EMP2: variants seen among roughly 807,000 people sequenced by gnomAD.
EMP2 encodes epithelial membrane protein 2.
Under a neutral mutation model 13.7 loss-of-function variants are expected in EMP2, and 19 were observed. That is an observed-to-expected ratio of 1.38 (90% CI 0.97 to 2.03). The LOEUF is 2.03. Ranked by LOEUF, EMP2 falls within the 30% of genes most tolerant of loss-of-function variation. The pLI is 0.00. For missense variants in EMP2, 253 were observed against 220.7 expected, an observed-to-expected ratio of 1.15 and a Z score of -0.93; for synonymous variants, 97 against 84.7, an observed-to-expected ratio of 1.15 and a Z score of -0.80.
chr16:10,560,041 C>T (rs2050860747), intron 1 of EMP2, among the ~76,000 whole-genome samples: 1 of 152,120 alleles, frequency 6.6e-6, no homozygotes, highest in African/African-American at 2.4e-5. Context: ...TGTCACACAG[C>T]TAGTAAAAGC....
At chr16:10,552,289 T>C (rs572239173) in intron 1 of EMP2, among the ~76,000 whole-genome samples, 41 of 152,274 alleles carry the variant, frequency 2.7e-4, no homozygotes, top group African/African-American at 7.5e-4. Context: ...CCAGCTGGGA[T>C]GACACAAATG....
At chr16:10,563,941 C>T (rs184755342) in intron 1 of EMP2, among the ~76,000 whole-genome samples, 24 of 152,356 alleles carry the variant, frequency 1.6e-4, no homozygotes, top group Admixed American at 1.6e-3. Flanking sequence ...GGGTTCTTGG[C>T]TTCACCCAGG....
intron 1 of EMP2, among the ~76,000 whole-genome samples, chr16:10,560,667 A>C (rs2050864737): frequency 6.6e-6 from 1 of 152,176 alleles, no homozygotes; most frequent in Non-Finnish European, 1.5e-5. Flanking sequence ...GATGGGAGAC[A>C]CTTGTGGTGT....
rs2050617337 is a variant in EMP2 at position 10,532,814 on chromosome 16, T to C, written c.*91A>G. 1.8e-6 allele frequency: 1 copy of C among 547,646 alleles called. No homozygotes were observed. The highest frequency in any genetic ancestry group is 2.6e-6 in the Non-Finnish European group (1 of 388,204). The allele number at this position is 547,646 out of a possible 1,614,324, so 33.9% of individuals were successfully genotyped here. On this transcript the variant is annotated 3_prime_UTR_variant, in exon 5 of 5. Coordinates refer to ENST00000359543, the MANE Select transcript of EMP2 (RefSeq NM_001424.6). ...CTTTTAAAGGAAACAATACGTTTGC[T>C]AGAAAAACCTCAAAAAATAATGATT... is the stretch of plus-strand genomic sequence containing the variant.
At position 10,530,304 on chromosome 16, in the gene EMP2, T is replaced by C. The variant is rs1440935757; in HGVS notation, c.*2601A>G. On this transcript the variant is annotated 3_prime_UTR_variant, in exon 5 of 5. Transcript: ENST00000359543. Reference sequence around the variant, plus strand: ...AACATGGTAAACATTTAATACTATCTGTCAAAAACAAATGAATGAAAGAGC... The same window carrying C: ...AACATGGTAAACATTTAATACTATCCGTCAAAAACAAATGAATGAAAGAGC... 2 of 152,158 alleles carry C rather than the reference T, an allele frequency of 1.3e-5. No homozygotes were observed. The highest frequency in any genetic ancestry group is 2.9e-5 in the Non-Finnish European group (2 of 68,050). The allele number at this position is 152,158 out of a possible 1,614,324, so 9.4% of individuals were successfully genotyped here.
chr16:10,571,413 G>A (rs2050946659), intron 1 of EMP2, among the ~76,000 whole-genome samples: 1 of 152,016 alleles, frequency 6.6e-6, no homozygotes, highest in Non-Finnish European at 1.5e-5. Context: ...AAACCCCTGT[G>A]CCCTGGCCCC....
At chr16:10,534,835 C>A (rs1364098562) in intron 4 of EMP2, among the ~76,000 whole-genome samples, 2 of 152,234 alleles carry the variant, frequency 1.3e-5, no homozygotes, top group African/African-American at 4.8e-5. Context: ...AGCTTAGGTT[C>A]TGTGGTTTTC....
At chr16:10,579,224 G>A (rs1015155058) in intron 1 of EMP2, among the ~76,000 whole-genome samples, 1 of 152,086 alleles carries the variant, frequency 6.6e-6, no homozygotes, top group Non-Finnish European at 1.5e-5. Flanking sequence ...CCAGGACCCC[G>A]TCCCTTCCTC....
intron 1 of EMP2, among the ~76,000 whole-genome samples, chr16:10,566,997 T>C (rs2050910868): frequency 6.6e-6 from 1 of 152,214 alleles, no homozygotes. Flanking sequence ...TAGATCTTGG[T>C]GTAATTGACT....
intron 1 of EMP2, among the ~76,000 whole-genome samples, chr16:10,567,874 T>C (rs1018157086): frequency 6.6e-6 from 1 of 152,138 alleles, no homozygotes; most frequent in Non-Finnish European, 1.5e-5. Context: ...CACCAGAATA[T>C]TGTCTGCTTG....
intron 1 of EMP2, among the ~76,000 whole-genome samples, chr16:10,550,208 A>G (rs1367380500): frequency 4.6e-5 from 7 of 151,826 alleles, no homozygotes; most frequent in Non-Finnish European, 1.0e-4. Context: ...ACATAACCAC[A>G]CTATGATGAT....
At position 10,528,810 on chromosome 16, in the gene EMP2, G is replaced by C. The variant is rs1332519879; in HGVS notation, c.*4095C>G. 1 of 152,086 alleles carries C rather than the reference G, an allele frequency of 6.6e-6. No homozygotes were observed. Among genetic ancestry groups the C allele is most frequent in the East Asian group, 1.9e-4 (1 of 5,200 alleles). The allele number at this position is 152,086 out of a possible 1,614,324, so 9.4% of individuals were successfully genotyped here. On this transcript the variant is annotated 3_prime_UTR_variant, in exon 5 of 5. Transcript: ENST00000359543. ...ATTAGCGAGTTTAGTAACATCCCGCGAGGCAGATTTTAAACTACGATACAG... is the reference window on the plus strand; with the variant it reads ...ATTAGCGAGTTTAGTAACATCCCGCCAGGCAGATTTTAAACTACGATACAG...
chr16:10,543,731 A>G, intron 2 of EMP2, 71 bp from the exon 3 acceptor site: 1 of 1,459,478 alleles, frequency 6.9e-7, no homozygotes, highest in Non-Finnish European at 9.6e-7. Flanking sequence ...CTAATTAGGC[A>G]CGAGGCATGG....
chr16:10,542,534 T>A (rs2050708416), intron 3 of EMP2, among the ~76,000 whole-genome samples: 1 of 151,736 alleles, frequency 6.6e-6, no homozygotes, highest in Non-Finnish European at 1.5e-5. Flanking sequence ...AAAACAGTAC[T>A]TATTGTTTAT....
chr16:10,573,930 CTTTTTTTT>C (rs371646297), intron 1 of EMP2, among the ~76,000 whole-genome samples: 1 of 83,172 alleles, frequency 1.2e-5, no homozygotes, highest in Non-Finnish European at 2.2e-5. Context: ...ATGGATAAAC[CTTTTTTTT>C]TTTTTTTTTT....
chr16:10,560,888 C>T (rs1325806050), intron 1 of EMP2, among the ~76,000 whole-genome samples: 3 of 152,180 alleles, frequency 2.0e-5, no homozygotes, highest in Non-Finnish European at 4.4e-5. Context: ...GACCAAGAAG[C>T]TTAAGGGCCT....
chr16:10,572,610 A>G (rs892759593), intron 1 of EMP2, among the ~76,000 whole-genome samples: 2 of 152,186 alleles, frequency 1.3e-5, no homozygotes, highest in African/African-American at 4.8e-5. Flanking sequence ...ATAAATCAGG[A>G]TAGATGACCT....
At chr16:10,536,114 G>A (rs767566375) in intron 4 of EMP2, among the ~76,000 whole-genome samples, 3 of 152,182 alleles carry the variant, frequency 2.0e-5, no homozygotes, top group Admixed American at 1.3e-4. Context: ...TACCTAGAAG[G>A]GGTGGTACCT....
In EMP2 at chr16:10,564,352, G is replaced by A. The variant is rs552578408; in HGVS notation, c.-61+16197C>T. Among the ~76,000 whole-genome samples the A allele has an allele frequency of 2.0e-5, 3 of 152,116 alleles. No homozygotes were observed. The East Asian group carries it at 5.8e-4, about 29-fold the overall frequency. ...CTAAAAATATAAAAATTAGCTGGGTGTGGTGGCAGGCACCTGTAATCCCAG... is the reference window on the plus strand; with the variant it reads ...CTAAAAATATAAAAATTAGCTGGGTATGGTGGCAGGCACCTGTAATCCCAG... On this transcript the variant is annotated intron_variant, in intron 1 of 4. Coordinates refer to ENST00000359543, the MANE Select transcript of EMP2 (RefSeq NM_001424.6).
Sources: allele counts gnomAD v4.1 joint callset (sites outside exome capture counted in the v4.1 genomes callset), GRCh38; gene constraint gnomAD v4.1.1; transcripts MANE v1.5; gene names NCBI Gene and HGNC (gene_info 2026-07-23, HGNC 2026-07-21).